The following STX8 variants were observed in gnomAD, a reference collection of about 807,000 sequenced individuals.
STX8 encodes the protein syntaxin-8.
A neutral mutation model predicts 37.5 loss-of-function variants in STX8; 23 were observed. The ratio of observed to expected loss-of-function variants is 0.61; its 90% CI spans 0.44 to 0.87. The LOEUF (loss-of-function observed/expected upper bound fraction) is 0.87. STX8 is among the 40% of genes least tolerant of loss of function. The probability of loss-of-function intolerance (pLI) is 0.00; values close to 1 mark genes in which losing one functional copy is unlikely to be tolerated. For missense variants in STX8, 313 were observed against 284.7 expected (o/e 1.10, Z -0.71); for synonymous variants, 115 against 99.1 (o/e 1.16, Z -0.95).
intron 6 of STX8, among the ~76,000 whole-genome samples, chr17:9,484,107 G>A (rs750053247): frequency 2.0e-4 from 31 of 152,108 alleles, no homozygotes; most frequent in Non-Finnish European, 4.3e-4. Flanking sequence ...TTGATTTCTG[G>A]AAAAACATGT....
intron 5 of STX8, among the ~76,000 whole-genome samples, chr17:9,495,207 C>G (rs1904338878): frequency 6.6e-6 from 1 of 152,032 alleles, no homozygotes; most frequent in Non-Finnish European, 1.5e-5. Flanking sequence ...TACAAATGAC[C>G]TGCCGTCTTT....
intron 2 of STX8, among the ~76,000 whole-genome samples, chr17:9,560,084 G>C (rs1039695443): frequency 8.6e-5 from 13 of 150,838 alleles, no homozygotes; most frequent in Non-Finnish European, 1.8e-4. Context: ...AAAAACAGTA[G>C]AGGCCGGGCT....
intron 6 of STX8, among the ~76,000 whole-genome samples, chr17:9,438,186 TGAGCCGA>T (rs1201104244): frequency 1.4e-5 from 2 of 141,480 alleles, no homozygotes; most frequent in African/African-American, 5.4e-5. Context: ...GAGGTTGCAG[TGAGCCGA>T]GATTGTGCCA....
chr17:9,323,308 G>GA (rs201129792), intron 7 of STX8, among the ~76,000 whole-genome samples: 2,236 of 151,920 alleles, frequency 0.015, 62 homozygotes, highest in African/African-American at 0.05. Flanking sequence ...ACCTTAGGGG[G>GA]AAAAAATCAA....
chr17:9,337,765 A>AG (rs1320372988), intron 7 of STX8, among the ~76,000 whole-genome samples: 14 of 152,216 alleles, frequency 9.2e-5, no homozygotes, highest in Non-Finnish European at 2.1e-4. Flanking sequence ...AAGTTAGTGA[A>AG]GGGAAATGCG....
chr17:9,377,510 A>G (rs1258831436), intron 7 of STX8, among the ~76,000 whole-genome samples: 9 of 152,224 alleles, frequency 5.9e-5, no homozygotes. Flanking sequence ...TCACTCTGTC[A>G]CCCAGGCTGG....
intron 4 of STX8, among the ~76,000 whole-genome samples, chr17:9,513,572 G>A (rs1905086359): frequency 6.6e-6 from 1 of 152,194 alleles, no homozygotes; most frequent in Non-Finnish European, 1.5e-5. Context: ...CACAGATGGT[G>A]GAAATGTAAA....
chr17:9,286,905 A>G (rs1265200843), intron 7 of STX8, among the ~76,000 whole-genome samples: 1 of 152,118 alleles, frequency 6.6e-6, no homozygotes, highest in African/African-American at 2.4e-5. Context: ...CGTGACCTTG[A>G]GCACTGGCCC....
intron 6 of STX8, among the ~76,000 whole-genome samples, chr17:9,406,437 T>A (rs1912806489): frequency 6.6e-6 from 1 of 152,214 alleles, no homozygotes; most frequent in Non-Finnish European, 1.5e-5. Flanking sequence ...ACTCACAGCA[T>A]CTGAGCTTGC....
intron 7 of STX8, among the ~76,000 whole-genome samples, chr17:9,339,763 A>G (rs1329552717): frequency 1.3e-5 from 2 of 152,190 alleles, no homozygotes; most frequent in Admixed American, 1.3e-4. Flanking sequence ...GGCTTCTGTC[A>G]TCACATATAT....
At chr17:9,382,503 A>G (rs927717344) in intron 6 of STX8, among the ~76,000 whole-genome samples, 78 of 152,344 alleles carry the variant, frequency 5.1e-4, no homozygotes, top group African/African-American at 1.8e-3. Context: ...ACATAGGTAT[A>G]CATGTGCCAT....
chr17:9,274,805 C>T (rs1436737754), intron 7 of STX8, among the ~76,000 whole-genome samples: 1 of 118,506 alleles, frequency 8.4e-6, no homozygotes, highest in Admixed American at 1.2e-4. Context: ...GGCTGGAGTG[C>T]AGTGGCGTGA....
intron 6 of STX8, among the ~76,000 whole-genome samples, chr17:9,413,310 T>C (rs1913043007): frequency 6.6e-6 from 1 of 152,182 alleles, no homozygotes; most frequent in South Asian, 2.1e-4. Flanking sequence ...TCAACACCCC[T>C]ACTCTGTTAT....
chr17:9,478,456 C>T (rs373381937), intron 6 of STX8, among the ~76,000 whole-genome samples: 35 of 152,094 alleles, frequency 2.3e-4, no homozygotes, highest in Middle Eastern at 3.4e-3. Context: ...ATTTGAAGGC[C>T]GACTTACGGT....
At chr17:9,498,635 G>A (rs1904497222) in intron 5 of STX8, among the ~76,000 whole-genome samples, 1 of 152,212 alleles carries the variant, frequency 6.6e-6, no homozygotes, top group Admixed American at 6.5e-5. Context: ...GTGAAATGGA[G>A]TCTGGCTAGC....
chr17:9,441,975 T>C (rs1904678304), intron 6 of STX8, among the ~76,000 whole-genome samples: 1 of 152,132 alleles, frequency 6.6e-6, no homozygotes, highest in Admixed American at 6.5e-5. Flanking sequence ...ACCATGGCTT[T>C]GATTACCATC....
At chr17:9,457,165 T>C (rs1597684803) in intron 6 of STX8, among the ~76,000 whole-genome samples, 1 of 152,232 alleles carries the variant, frequency 6.6e-6, no homozygotes, top group African/African-American at 2.4e-5. Flanking sequence ...ACTGCTGCTA[T>C]AACCAATTCC....
intron 7 of STX8, among the ~76,000 whole-genome samples, chr17:9,337,288 C>A (rs1910168812): frequency 6.6e-6 from 1 of 152,216 alleles, no homozygotes; most frequent in Non-Finnish European, 1.5e-5. Flanking sequence ...AGGTTGATAA[C>A]TTATTTCAAT....
At chr17:9,528,296 T>C (rs537795797) in intron 4 of STX8, among the ~76,000 whole-genome samples, 96 of 148,646 alleles carry the variant, frequency 6.5e-4, no homozygotes, top group African/African-American at 2.2e-3. Context: ...GAGTTACACA[T>C]TGGTATGTTT....
Sources: allele counts gnomAD v4.1 joint callset (sites outside exome capture counted in the v4.1 genomes callset), GRCh38; gene constraint gnomAD v4.1.1; transcripts MANE v1.5; gene names NCBI Gene and HGNC (gene_info 2026-07-23, HGNC 2026-07-21).